Variants in ERC2 observed in about 807,000 individuals in gnomAD.
The protein encoded by ERC2 is ERC protein 2.
In ERC2, 42 loss-of-function variants were observed where a neutral mutation model predicts 114.8. The observed-to-expected ratio is 0.37, with a 90% CI of 0.29 to 0.47. The LOEUF (loss-of-function observed/expected upper bound fraction) is 0.47, where lower values mean the gene tolerates loss of function less well. Ranked by LOEUF, ERC2 falls within the 20% of genes least tolerant of loss-of-function variation. The pLI is 0.99. For synonymous variants in ERC2, 454 were observed against 425.5 expected (o/e 1.07, Z -0.82); for missense variants, 939 against 1,150.7 (o/e 0.82, Z 2.66).
chr3:55,626,824 C>T (rs895533274), intron 17 of ERC2, among the ~76,000 whole-genome samples: 9 of 152,244 alleles, frequency 5.9e-5, no homozygotes, highest in Non-Finnish European at 1.3e-4. Context: ...TCCTTCAACA[C>T]GTTCAGAGCC....
intron 2 of ERC2, among the ~76,000 whole-genome samples, chr3:56,310,378 T>C (rs1193799162): frequency 6.6e-6 from 1 of 152,260 alleles, no homozygotes; most frequent in Non-Finnish European, 1.5e-5. Flanking sequence ...AAATGTTTAA[T>C]GCCAATGATG....
At chr3:56,069,919 G>A (rs994741296) in intron 7 of ERC2, among the ~76,000 whole-genome samples, 4 of 152,116 alleles carry the variant, frequency 2.6e-5, no homozygotes, top group Non-Finnish European at 5.9e-5. Flanking sequence ...AATCAGGTGA[G>A]TACAAAGGAA....
chr3:55,561,685 G>T (rs527884147), intron 17 of ERC2, among the ~76,000 whole-genome samples: 2 of 151,792 alleles, frequency 1.3e-5, no homozygotes, highest in East Asian at 3.9e-4. Flanking sequence ...TTTTTTTCTT[G>T]CCCTGTATCC....
intron 3 of ERC2, among the ~76,000 whole-genome samples, chr3:56,174,359 C>A (rs1450342701): frequency 6.6e-6 from 1 of 152,194 alleles, no homozygotes; most frequent in African/African-American, 2.4e-5. Flanking sequence ...GTTCAGATCA[C>A]ACTTGGATTT....
At chr3:55,850,266 G>GA (rs201127025) in intron 14 of ERC2, among the ~76,000 whole-genome samples, 4,957 of 152,202 alleles carry the variant, frequency 0.033, 96 homozygotes, top group South Asian at 0.089. Flanking sequence ...AATTACATCT[G>GA]AAAAGACCCT....
At position 55,519,311 on chromosome 3, in the gene ERC2, C is replaced by T. The variant is rs1391038016; in HGVS notation, c.*40-8035G>A. Among the ~76,000 whole-genome samples, 4 of 152,198 alleles carry T rather than the reference C, an allele frequency of 2.6e-5. No homozygotes were observed. The East Asian group carries it at 5.8e-4, about 22-fold the overall frequency. ...TCCTGAGCTTGCTGAAGAAACAGTT[C>T]TGAAGCTCAGCTCCATGAGAAAGGG... On this transcript the variant is annotated intron_variant, in intron 17 of 17. Coordinates refer to ENST00000288221, the MANE Select transcript of ERC2 (RefSeq NM_015576.3).
intron 14 of ERC2, among the ~76,000 whole-genome samples, chr3:55,845,372 C>T (rs903271571): frequency 2.6e-5 from 4 of 151,320 alleles, no homozygotes; most frequent in African/African-American, 4.8e-5. Context: ...GGCGTAGTGG[C>T]GGGCGCCTGT....
chr3:56,217,857 T>A (rs2049599215), intron 3 of ERC2, among the ~76,000 whole-genome samples: 1 of 152,120 alleles, frequency 6.6e-6, no homozygotes, highest in African/African-American at 2.4e-5. Context: ...TATCTGATCT[T>A]TGACAAACCT....
chr3:55,617,149 A>T (rs2059153950), intron 17 of ERC2, among the ~76,000 whole-genome samples: 1 of 152,194 alleles, frequency 6.6e-6, no homozygotes, highest in Admixed American at 6.5e-5. Context: ...GACTTAATGG[A>T]AATCTGTCCC....
At position 56,060,344 on chromosome 3, in the gene ERC2, T is replaced by C. The variant is rs143627468; in HGVS notation, c.1641+20473A>G. Among the ~76,000 whole-genome samples the C allele has an allele frequency of 3.9e-5, 6 of 152,362 alleles. 1 individual carries two copies. Among genetic ancestry groups the C allele is most frequent in the African/African-American group, 1.4e-4 (6 of 41,588 alleles). On this transcript the variant is annotated intron_variant, in intron 7 of 17. Transcript: ENST00000288221. ...AGCTGCATTATCCACAGCAATTATC[T>C]GTACTTTCCTTTTCCCATCTGTAAA... is the stretch of plus-strand genomic sequence containing the variant.
chr3:55,872,720 C>T (rs968914002), intron 14 of ERC2, among the ~76,000 whole-genome samples: 7 of 152,158 alleles, frequency 4.6e-5, no homozygotes, highest in Non-Finnish European at 1.0e-4. Context: ...TAGTGGAAAA[C>T]GCTCCTCTCT....
At chr3:55,753,062 G>A (rs2066816552) in intron 14 of ERC2, among the ~76,000 whole-genome samples, 1 of 152,132 alleles carries the variant, frequency 6.6e-6, no homozygotes, top group Non-Finnish European at 1.5e-5. Flanking sequence ...AGTCCATGGG[G>A]AAGAGAGAGA....
At chr3:56,173,365 T>C in intron 4 of ERC2, 81 bp downstream of exon 4, 1 of 1,340,352 alleles carries the variant, frequency 7.5e-7, no homozygotes. Flanking sequence ...CAAGGTTCAT[T>C]TCATGTTTAT....
intron 3 of ERC2, among the ~76,000 whole-genome samples, chr3:56,234,158 A>T (rs771091881): frequency 2.6e-5 from 4 of 152,248 alleles, no homozygotes; most frequent in Non-Finnish European, 4.4e-5. Context: ...ACAATTCTAT[A>T]TCTTAGAGAA....
intron 3 of ERC2, among the ~76,000 whole-genome samples, chr3:56,229,446 T>C (rs941589802): frequency 5.3e-5 from 8 of 152,178 alleles, no homozygotes; most frequent in African/African-American, 1.9e-4. Flanking sequence ...ACACTGTTAA[T>C]AAATATCCAA....
At chr3:56,078,520 T>C (rs566316686) in intron 7 of ERC2, among the ~76,000 whole-genome samples, 84 of 152,246 alleles carry the variant, frequency 5.5e-4, no homozygotes, top group Middle Eastern at 3.4e-3. Flanking sequence ...CTAATAGATA[T>C]TAGAATGCAT....
intron 17 of ERC2, among the ~76,000 whole-genome samples, chr3:55,644,836 T>C (rs1559791609): frequency 2.0e-5 from 3 of 151,996 alleles, no homozygotes; most frequent in African/African-American, 4.8e-5. Flanking sequence ...AGTCCTCTGT[T>C]ATCATCATGT....
intron 13 of ERC2, among the ~76,000 whole-genome samples, chr3:55,900,443 G>A (rs1171412523): frequency 6.6e-6 from 1 of 152,172 alleles, no homozygotes; most frequent in African/African-American, 2.4e-5. Flanking sequence ...TCAGGGTGGT[G>A]TTCTCAAACA....
intron 4 of ERC2, among the ~76,000 whole-genome samples, chr3:56,158,216 G>A (rs1254004728): frequency 6.6e-6 from 1 of 152,206 alleles, no homozygotes; most frequent in Non-Finnish European, 1.5e-5. Context: ...GATAAGAAGA[G>A]TGAGAGCCAG....
Sources: gnomAD v4.1 joint callset for allele counts (sites outside exome capture counted in the v4.1 genomes callset) on GRCh38, gnomAD v4.1.1 for gene constraint, MANE v1.5 for transcripts, NCBI Gene and HGNC (gene_info 2026-07-23, HGNC 2026-07-21) for gene names.